COL5A2: variants seen among roughly 807,000 people sequenced by gnomAD.
COL5A2 encodes collagen type V alpha 2 chain, also known as collagen alpha-2(V) chain.
COL5A2 carries 23 observed loss-of-function variants against 208.2 expected under a neutral mutation model. The observed-to-expected ratio is 0.11, with a 90% CI of 0.08 to 0.16. The LOEUF is 0.16. Ranked by LOEUF, COL5A2 falls within the 10% of genes least tolerant of loss-of-function variation. The probability of loss-of-function intolerance (pLI) is 1.00; values close to 1 mark genes in which losing one functional copy is unlikely to be tolerated. For missense variants in COL5A2, 1,590 were observed against 1,956.4 expected (o/e 0.81, Z 3.53); for synonymous variants, 625 against 628.5 (o/e 0.99, Z 0.08).
At chr2:189,205,442 A>C (rs73034872) in intron 1 of COL5A2, among the ~76,000 whole-genome samples, 6,554 of 152,256 alleles carry the variant, frequency 0.043, 269 homozygotes, top group East Asian at 0.17. Context: ...TTACAATGTG[A>C]GGTTACTTTT....
chr2:189,239,803 C>G, the COL5A2 span, among the ~76,000 whole-genome samples: 1 of 151,728 alleles, frequency 6.6e-6, no homozygotes, highest in Non-Finnish European at 1.5e-5. Flanking sequence ...AAAATAAAGA[C>G]AGAAGAGGGG....
intron 1 of COL5A2, among the ~76,000 whole-genome samples, chr2:189,188,584 TC>T (rs563680596): frequency 1.0e-3 from 158 of 152,188 alleles, no homozygotes; most frequent in Non-Finnish European, 1.9e-3. Flanking sequence ...AGTCAAGGCT[TC>T]CCCTGAGAGA....
intron 16 of COL5A2, among the ~76,000 whole-genome samples, chr2:189,077,547 A>T (rs2105628159): frequency 6.6e-6 from 1 of 152,352 alleles, no homozygotes; most frequent in Non-Finnish European, 1.5e-5. Context: ...CCCTTGGCAG[A>T]CAGTAGAAGA....
intron 12 of COL5A2, among the ~76,000 whole-genome samples, chr2:189,081,725 C>T (rs1686538397): frequency 2.0e-5 from 3 of 152,120 alleles, no homozygotes; most frequent in Admixed American, 2.0e-4. Flanking sequence ...TAAATAATTA[C>T]TTAATTTCTG....
the COL5A2 span, among the ~76,000 whole-genome samples, chr2:189,379,966 C>T: frequency 6.6e-6 from 1 of 152,078 alleles, no homozygotes; most frequent in Non-Finnish European, 1.5e-5. Flanking sequence ...TTTAACCAGA[C>T]TTGTCCAATA....
chr2:189,402,395 T>C, the COL5A2 span, among the ~76,000 whole-genome samples: 2 of 152,138 alleles, frequency 1.3e-5, no homozygotes, highest in Admixed American at 6.6e-5. Context: ...TTTTTGAATT[T>C]TTTTTAGTAG....
intron 1 of COL5A2, among the ~76,000 whole-genome samples, chr2:189,187,763 A>G (rs1688871056): frequency 6.6e-6 from 1 of 151,972 alleles, no homozygotes; most frequent in South Asian, 2.1e-4. Flanking sequence ...GAGTCAGGAG[A>G]TCGAGACCAT....
At position 189,058,515 on chromosome 2, in the gene COL5A2, T is replaced by A. The variant is rs763769972; in HGVS notation, c.2143A>T (p.Asn715Tyr). Residue 715 changes from asparagine to tyrosine, a missense_variant, in exon 33 of 54, where the codon AAT becomes TAT. Physicochemically the swap from Asn to Tyr is moderately radical, Grantham distance 143. Transcript: ENST00000374866. The part of the protein sequence containing the change: ...GPLGPRGERG[N>Y]PGERGEPGIT... ...CCAGGTTCTCCTCTTTCCCCAGGATTTCCTCGTTCTCCCTAGCACAAAATT... is the reference window on the plus strand; with the variant it reads ...CCAGGTTCTCCTCTTTCCCCAGGATATCCTCGTTCTCCCTAGCACAAAATT... 3 of 1,613,860 alleles carry A rather than the reference T, an allele frequency of 1.9e-6. No individual in the cohort carries two copies. The highest frequency in any genetic ancestry group is 2.5e-6 in the Non-Finnish European group (3 of 1,179,776).
intron 50 of COL5A2, among the ~76,000 whole-genome samples, chr2:189,039,963 C>T (rs148077369): frequency 1.2e-3 from 187 of 152,202 alleles, no homozygotes; most frequent in East Asian, 0.01. Context: ...CTGAACAAAG[C>T]ATGCAGGGGA....
intron 1 of COL5A2, among the ~76,000 whole-genome samples, chr2:189,207,303 A>G (rs1689154477): frequency 6.6e-6 from 1 of 152,182 alleles, no homozygotes; most frequent in African/African-American, 2.4e-5. Flanking sequence ...AACTTTTACT[A>G]AACAAAATAT....
chr2:189,176,716 C>G (rs554024399), intron 1 of COL5A2, among the ~76,000 whole-genome samples: 1 of 152,154 alleles, frequency 6.6e-6, no homozygotes, highest in South Asian at 2.1e-4. Flanking sequence ...CGCACACACA[C>G]ACGCACACAC....
chr2:189,389,905 G>T, the COL5A2 span, among the ~76,000 whole-genome samples: 7 of 152,092 alleles, frequency 4.6e-5, no homozygotes, highest in African/African-American at 1.7e-4. Context: ...AGATACTACT[G>T]CATCTAGAAG....
At chr2:189,393,799 G>A in the COL5A2 span, among the ~76,000 whole-genome samples, 780 of 152,236 alleles carry the variant, frequency 5.1e-3, 6 homozygotes, top group African/African-American at 0.018. Context: ...TTTACTTTAT[G>A]CCAAATTTCC....
the COL5A2 span, among the ~76,000 whole-genome samples, chr2:189,437,482 C>T: frequency 1.3e-5 from 2 of 152,256 alleles, no homozygotes; most frequent in Non-Finnish European, 2.9e-5. Flanking sequence ...TCTAAAATTT[C>T]GCTTTAGCCA....
At chr2:189,407,255 G>A in the COL5A2 span, among the ~76,000 whole-genome samples, 1 of 152,124 alleles carries the variant, frequency 6.6e-6, no homozygotes, top group Non-Finnish European at 1.5e-5. Context: ...GGTAAATGAT[G>A]TAGGAAGTAC....
intron 1 of COL5A2, among the ~76,000 whole-genome samples, chr2:189,215,334 C>T (rs553488269): frequency 1.8e-3 from 276 of 152,250 alleles, no homozygotes; most frequent in Non-Finnish European, 3.2e-3. Context: ...AGCCACTAAG[C>T]AGAAGTGTCT....
At chr2:189,304,981 C>T in the COL5A2 span, among the ~76,000 whole-genome samples, 1 of 152,000 alleles carries the variant, frequency 6.6e-6, no homozygotes. Flanking sequence ...GAAATGACTG[C>T]TTATGAGGCT....
chr2:189,275,773 A>C, the COL5A2 span, among the ~76,000 whole-genome samples: 1 of 152,160 alleles, frequency 6.6e-6, no homozygotes, highest in African/African-American at 2.4e-5. Context: ...TTTTCAAATA[A>C]AAGAGAATGC....
intron 52 of COL5A2, among the ~76,000 whole-genome samples, chr2:189,036,244 G>A (rs990468045): frequency 6.6e-6 from 1 of 152,060 alleles, no homozygotes; most frequent in Non-Finnish European, 1.5e-5. Context: ...ATCCCCGTGA[G>A]GTAACCAGGT....
Sources: gnomAD v4.1 joint callset for allele counts (sites outside exome capture counted in the v4.1 genomes callset) on GRCh38, gnomAD v4.1.1 for gene constraint, MANE v1.5 for transcripts, NCBI Gene and HGNC (gene_info 2026-07-23, HGNC 2026-07-21) for gene names.